GLRA1: variants seen among roughly 807,000 people sequenced by gnomAD.
GLRA1 encodes the protein glycine receptor alpha 1.
Under a neutral mutation model 48.3 loss-of-function variants are expected in GLRA1, and 37 were observed. That is an observed-to-expected ratio of 0.77 (90% CI 0.59 to 1.01). The LOEUF (loss-of-function observed/expected upper bound fraction) is 1.01, where lower values mean the gene tolerates loss of function less well. GLRA1 is among the 50% of genes least tolerant of loss of function. GLRA1 has a pLI of 0.00. For synonymous variants in GLRA1, 196 were observed against 210.7 expected (o/e 0.93, Z 0.60); for missense variants, 427 against 571.0 (o/e 0.75, Z 2.57).
chr5:151,920,430 T>G (rs1173809706), intron 1 of GLRA1, among the ~76,000 whole-genome samples: 3 of 152,264 alleles, frequency 2.0e-5, no homozygotes, highest in African/African-American at 7.2e-5. Flanking sequence ...TAAGACAATC[T>G]AAAGAAAACA....
At position 151,826,318 on chromosome 5, in the gene GLRA1, T is replaced by C. The variant is rs1343379736; in HGVS notation, c.1059+2603A>G. 7.9e-5 allele frequency among the ~76,000 whole-genome samples: 12 copies of C among 152,204 alleles called. No individual in the cohort carries two copies. In the East Asian group the frequency reaches 1.2e-3, roughly 15 times the overall value. ...AACACTCCAGGCCAAAGTACAGATA[T>C]TTGCACACCAAATCTGGCCTTCCGG... On this transcript the variant is annotated intron_variant, in intron 8 of 8. Coordinates refer to ENST00000274576, the MANE Select transcript of GLRA1 (RefSeq NM_000171.4).
chr5:151,896,732 TTA>T (rs1754235318), intron 1 of GLRA1, among the ~76,000 whole-genome samples: 2 of 152,264 alleles, frequency 1.3e-5, no homozygotes, highest in East Asian at 3.8e-4. Flanking sequence ...ATTATTTTCA[TTA>T]AATTGTCTCA....
At chr5:151,849,489 T>C (rs1175266553) in intron 7 of GLRA1, among the ~76,000 whole-genome samples, 15 of 92,284 alleles carry the variant, frequency 1.6e-4, no homozygotes, top group Non-Finnish European at 2.2e-4. Context: ...CCTTCCTTCC[T>C]TCCTTTCTTT....
At chr5:151,881,165 C>T (rs1753751026) in intron 3 of GLRA1, among the ~76,000 whole-genome samples, 1 of 152,180 alleles carries the variant, frequency 6.6e-6, no homozygotes, top group Non-Finnish European at 1.5e-5. Context: ...CTACACAGAT[C>T]CATAGATGCT....
intron 1 of GLRA1, among the ~76,000 whole-genome samples, chr5:151,900,871 T>C (rs903932364): frequency 3.0e-4 from 45 of 152,188 alleles, no homozygotes; most frequent in African/African-American, 1.1e-3. Context: ...TTAATAAACA[T>C]GGTTTTCATG....
intron 3 of GLRA1, among the ~76,000 whole-genome samples, chr5:151,870,009 T>A (rs1258925425): frequency 6.7e-6 from 1 of 149,648 alleles, no homozygotes; most frequent in Non-Finnish European, 1.5e-5. Context: ...TTTTAAAACA[T>A]CTATTTAAAA....
At chr5:151,838,015 A>T (rs1763619340) in intron 7 of GLRA1, among the ~76,000 whole-genome samples, 1 of 152,208 alleles carries the variant, frequency 6.6e-6, no homozygotes, top group Non-Finnish European at 1.5e-5. Flanking sequence ...TATGGCTCAT[A>T]CATAGGGAGA....
chr5:151,842,898 T>C lies in GLRA1; in HGVS notation c.912+8492A>G, dbSNP rs187007519. ...TTAATAAATGAGTTCAGGAAAGTTATTGGATACAAGATGAACATACAAAAA... is the reference window on the plus strand; with the variant it reads ...TTAATAAATGAGTTCAGGAAAGTTACTGGATACAAGATGAACATACAAAAA... On this transcript the variant is annotated intron_variant, in intron 7 of 8. Transcript: ENST00000274576. 7.2e-5 allele frequency among the ~76,000 whole-genome samples: 11 copies of C among 152,324 alleles called. No homozygotes were observed. The East Asian group carries it at 1.9e-3, about 27-fold the overall frequency.
chr5:151,877,636 G>T (rs1753658882), intron 3 of GLRA1, among the ~76,000 whole-genome samples: 1 of 152,174 alleles, frequency 6.6e-6, no homozygotes, highest in Non-Finnish European at 1.5e-5. Flanking sequence ...GGACCTGGTG[G>T]GAAGTAATTG....
intron 1 of GLRA1, among the ~76,000 whole-genome samples, chr5:151,900,485 T>G (rs1194386579): frequency 6.6e-6 from 1 of 152,090 alleles, no homozygotes; most frequent in Non-Finnish European, 1.5e-5. Flanking sequence ...GTTCCTAATG[T>G]GGACTCTGAA....
chr5:151,879,390 T>A (rs1377431575), intron 3 of GLRA1, among the ~76,000 whole-genome samples: 1 of 151,928 alleles, frequency 6.6e-6, no homozygotes, highest in Non-Finnish European at 1.5e-5. Context: ...AGTCCCACTC[T>A]CTTGCCCAGG....
chr5:151,840,406 T>C (rs762609032), intron 7 of GLRA1, among the ~76,000 whole-genome samples: 24 of 152,196 alleles, frequency 1.6e-4, no homozygotes, highest in Non-Finnish European at 2.8e-4. Flanking sequence ...CAAAAATACA[T>C]ATTTAATGCA....
At chr5:151,872,999 G>A (rs1401122138) in intron 3 of GLRA1, among the ~76,000 whole-genome samples, 1 of 149,712 alleles carries the variant, frequency 6.7e-6, no homozygotes, top group Non-Finnish European at 1.5e-5. Context: ...CCTCAGGATA[G>A]GACAAAGGGA....
At position 151,893,290 on chromosome 5, in the gene GLRA1, TTC is replaced by T. The variant is rs747986565; in HGVS notation, c.57-854_57-853del. Among the ~76,000 whole-genome samples the T allele has an allele frequency of 2.4e-4, 19 of 78,480 alleles. No homozygotes were observed. The South Asian group carries it at 8.5e-3, about 35-fold the overall frequency. 51.5% of individuals were successfully genotyped at this position (78,480 alleles called of 152,430 possible). A position where few individuals can be genotyped will look rare whatever the true frequency, so the allele number is the denominator to read the frequency against. ...TGACCCTCCCTCTGCCCAACTTTCTTTCTTTCTTTCTTTCTTTCTTTCTTTCT... is the reference window on the plus strand; with the variant it reads ...TGACCCTCCCTCTGCCCAACTTTCTTTTTCTTTCTTTCTTTCTTTCTTTCT... On this transcript the variant is annotated intron_variant, in intron 1 of 8. Coordinates refer to ENST00000274576, the MANE Select transcript of GLRA1 (RefSeq NM_000171.4).
intron 3 of GLRA1, among the ~76,000 whole-genome samples, chr5:151,872,775 T>C (rs527516681): frequency 6.7e-6 from 1 of 150,056 alleles, no homozygotes; most frequent in Non-Finnish European, 1.5e-5. Context: ...AATATATTTG[T>C]TTTCCCATGT....
chr5:151,921,555 A>T (rs954602897), intron 1 of GLRA1, among the ~76,000 whole-genome samples: 1 of 152,232 alleles, frequency 6.6e-6, no homozygotes, highest in African/African-American at 2.4e-5. Context: ...CTGGAGAAAC[A>T]TGTGTCTGTT....
intron 8 of GLRA1, among the ~76,000 whole-genome samples, chr5:151,826,424 C>T (rs1317539494): frequency 6.6e-6 from 1 of 152,192 alleles, no homozygotes; most frequent in Non-Finnish European, 1.5e-5. Flanking sequence ...TTTTTATCTG[C>T]TTCAGGATGG....
intron 1 of GLRA1, among the ~76,000 whole-genome samples, chr5:151,922,227 C>T (rs1044295117): frequency 6.6e-6 from 1 of 152,158 alleles, no homozygotes; most frequent in East Asian, 1.9e-4. Context: ...TCACATGGAA[C>T]CTGCTAGAGA....
At chr5:151,829,091 CAG>C (rs1369774019) in intron 7 of GLRA1, 24 bp from the exon 8 acceptor site, 14 of 1,612,124 alleles carry the variant, frequency 8.7e-6, no homozygotes, top group East Asian at 2.2e-5. Flanking sequence ...GGAGGAGAAA[CAG>C]GGAGGTGAAA....
Sources: allele counts gnomAD v4.1 joint callset (sites outside exome capture counted in the v4.1 genomes callset), GRCh38; gene constraint gnomAD v4.1.1; transcripts MANE v1.5; gene names NCBI Gene and HGNC (gene_info 2026-07-23, HGNC 2026-07-21).